The following STARD13 variants were observed in gnomAD, a reference collection of about 807,000 sequenced individuals.
STARD13 encodes the protein StAR related lipid transfer domain containing 13.
STARD13 carries 62 observed loss-of-function variants against 106.4 expected under a neutral mutation model. The ratio of observed to expected loss-of-function variants is 0.58; its 90% CI spans 0.48 to 0.72. STARD13 has a LOEUF of 0.72. Among genes scored for constraint, STARD13 ranks in the 30% least tolerant of loss-of-function variants. The probability of loss-of-function intolerance (pLI) is 0.00; values close to 1 mark genes in which losing one functional copy is unlikely to be tolerated. For synonymous variants in STARD13, 565 were observed against 553.0 expected, an observed-to-expected ratio of 1.02 and a Z score of -0.31; for missense variants, 1,387 against 1,424.0, an observed-to-expected ratio of 0.97 and a Z score of 0.42.
At chr13:33,562,113 G>A in the STARD13 span, among the ~76,000 whole-genome samples, 3 of 146,456 alleles carry the variant, frequency 2.0e-5, 1 homozygote, top group African/African-American at 7.6e-5. Context: ...ATGAGATATA[G>A]ATCCAGTGTA....
chr13:33,332,453 A>G (rs1244312309), intron 1 of STARD13, among the ~76,000 whole-genome samples: 1 of 152,190 alleles, frequency 6.6e-6, no homozygotes, highest in Non-Finnish European at 1.5e-5. Flanking sequence ...AAATGGGATT[A>G]GTGACCTTAT....
At chr13:33,356,915 A>C in the STARD13 span, among the ~76,000 whole-genome samples, 287 of 152,326 alleles carry the variant, frequency 1.9e-3, 1 homozygote, top group African/African-American at 6.8e-3. Flanking sequence ...GATAGAAGCT[A>C]TTTAATATCC....
At chr13:33,666,828 G>A in the STARD13 span, among the ~76,000 whole-genome samples, 2 of 152,284 alleles carry the variant, frequency 1.3e-5, no homozygotes, top group African/African-American at 2.4e-5. Context: ...CTGACCTCAT[G>A]TGATCCACCT....
chr13:33,179,616 C>A (rs901371558), intron 1 of STARD13, among the ~76,000 whole-genome samples: 5 of 152,158 alleles, frequency 3.3e-5, no homozygotes, highest in Non-Finnish European at 7.3e-5. Context: ...GTTGTGAAAG[C>A]CTGCTGGTAG....
intron 3 of STARD13, chr13:33,158,857 T>C (rs1265720274): frequency 6.6e-6 from 1 of 152,220 alleles, no homozygotes; most frequent in African/African-American, 2.4e-5. Context: ...CCACACTTCT[T>C]TGTAGCCAAG....
At chr13:33,627,636 CAAA>C in the STARD13 span, among the ~76,000 whole-genome samples, 2 of 110,112 alleles carry the variant, frequency 1.8e-5, no homozygotes, top group African/African-American at 3.0e-5. Context: ...GACTCCATCT[CAAA>C]AAAAAAAAAA....
the STARD13 span, among the ~76,000 whole-genome samples, chr13:33,643,159 G>GCGCACACA: frequency 7.2e-6 from 1 of 139,820 alleles, no homozygotes; most frequent in East Asian, 2.1e-4. Flanking sequence ...CATAGAACAT[G>GCGCACACA]CACACACACA....
the STARD13 span, among the ~76,000 whole-genome samples, chr13:33,480,490 C>T: frequency 3.3e-5 from 5 of 152,044 alleles, no homozygotes; most frequent in Admixed American, 6.5e-5. Context: ...TTCTGAAACC[C>T]GTGTGCATAT....
chr13:33,324,072 T>G (rs548081415), intron 1 of STARD13, among the ~76,000 whole-genome samples: 1 of 152,364 alleles, frequency 6.6e-6, no homozygotes, highest in East Asian at 1.9e-4. Flanking sequence ...ATGTTTTCTC[T>G]GTATGTAGAA....
At chr13:33,389,948 A>T in the STARD13 span, among the ~76,000 whole-genome samples, 5 of 152,118 alleles carry the variant, frequency 3.3e-5, no homozygotes, top group African/African-American at 1.2e-4. Context: ...TTATTTTCTC[A>T]TCTTATTTTA....
chr13:33,581,180 C>G, the STARD13 span, among the ~76,000 whole-genome samples: 4 of 152,232 alleles, frequency 2.6e-5, no homozygotes, highest in South Asian at 8.3e-4. Flanking sequence ...TTTCAGTAAT[C>G]AGTATTTATC....
downstream of STARD13, among the ~76,000 whole-genome samples, chr13:33,344,341 A>G (rs928321313): frequency 6.6e-6 from 1 of 152,234 alleles, no homozygotes; most frequent in Non-Finnish European, 1.5e-5. Flanking sequence ...TAAACGTAGT[A>G]TCATCTCAAA....
At chr13:33,674,748 G>A in the STARD13 span, among the ~76,000 whole-genome samples, 1 of 152,004 alleles carries the variant, frequency 6.6e-6, no homozygotes, top group East Asian at 1.9e-4. Flanking sequence ...ATTTTTTTCT[G>A]GTGATTTTTT....
chr13:33,313,743 C>G (rs1273644925), intron 1 of STARD13, among the ~76,000 whole-genome samples: 2 of 152,104 alleles, frequency 1.3e-5, no homozygotes, highest in Non-Finnish European at 2.9e-5. Flanking sequence ...AATAGCAGAG[C>G]CAATACTCTA....
the STARD13 span, among the ~76,000 whole-genome samples, chr13:33,630,954 A>G: frequency 6.6e-6 from 1 of 152,224 alleles, no homozygotes; most frequent in East Asian, 1.9e-4. Context: ...TAATTAACTC[A>G]TTGGCATTCA....
the STARD13 span, among the ~76,000 whole-genome samples, chr13:33,394,662 A>C: frequency 2.6e-5 from 4 of 152,340 alleles, no homozygotes; most frequent in Non-Finnish European, 5.9e-5. Context: ...AAGCATCAAA[A>C]TTTGGAGAAT....
intron 11 of STARD13, 31 bp downstream of exon 11, chr13:33,110,655 G>A: frequency 6.4e-7 from 1 of 1,574,238 alleles, no homozygotes; most frequent in South Asian, 1.1e-5. Flanking sequence ...TGGCTTTCTG[G>A]GGGTGATCTT....
At chr13:33,358,968 G>A in the STARD13 span, among the ~76,000 whole-genome samples, 1 of 152,128 alleles carries the variant, frequency 6.6e-6, no homozygotes, top group African/African-American at 2.4e-5. Context: ...ATGGGGACGT[G>A]GAGAACCTTT....
At chr13:33,448,407 G>C in the STARD13 span, among the ~76,000 whole-genome samples, 1 of 151,990 alleles carries the variant, frequency 6.6e-6, no homozygotes, top group Non-Finnish European at 1.5e-5. Flanking sequence ...AATTTAACAG[G>C]TTCATCCATG....
Sources: allele counts gnomAD v4.1 joint callset (sites outside exome capture counted in the v4.1 genomes callset), GRCh38; gene constraint gnomAD v4.1.1; transcripts MANE v1.5; gene names NCBI Gene and HGNC (gene_info 2026-07-23, HGNC 2026-07-21).